PPEF2: variants seen among roughly 807,000 people sequenced by gnomAD.
The protein encoded by PPEF2 is serine/threonine-protein phosphatase with EF-hands 2.
In PPEF2, 84 loss-of-function variants were observed where a neutral mutation model predicts 84.7. The ratio of observed to expected loss-of-function variants is 0.99; its 90% CI spans 0.83 to 1.19. The LOEUF (loss-of-function observed/expected upper bound fraction) is 1.19. Among genes scored for constraint, PPEF2 ranks in the 50% most tolerant of loss-of-function variants. The pLI is 0.00. For synonymous variants in PPEF2, 346 were observed against 345.2 expected (o/e 1.00, Z -0.03); for missense variants, 924 against 937.5 (o/e 0.99, Z 0.19).
chr4:75,873,532 C>T (rs952574924), intron 11 of PPEF2, among the ~76,000 whole-genome samples: 3 of 152,298 alleles, frequency 2.0e-5, no homozygotes, highest in Non-Finnish European at 4.4e-5. Flanking sequence ...ACATATTTGT[C>T]GACAAGCATA....
chr4:75,891,561 G>T, intron 4 of PPEF2, 87 bp downstream of exon 4: 2 of 1,411,318 alleles, frequency 1.4e-6, no homozygotes, highest in Non-Finnish European at 1.9e-6. Flanking sequence ...CCAGATTCAC[G>T]GTTTCACTCC....
At chr4:75,872,282 G>A (rs552279420) in intron 12 of PPEF2, 115 bp from the exon 13 acceptor site, 5 of 995,154 alleles carry the variant, frequency 5.0e-6, no homozygotes, top group Non-Finnish European at 7.0e-6. Context: ...GTGCTCATCT[G>A]GGAATCCTTT....
intron 10 of PPEF2, among the ~76,000 whole-genome samples, chr4:75,879,447 T>C (rs768657355): frequency 6.6e-6 from 1 of 152,232 alleles, no homozygotes; most frequent in South Asian, 2.1e-4. Flanking sequence ...GCTCATTTAC[T>C]ATTTATAATA....
At chr4:75,882,162 C>T (rs1724592201) in intron 10 of PPEF2, among the ~76,000 whole-genome samples, 1 of 152,148 alleles carries the variant, frequency 6.6e-6, no homozygotes, top group African/African-American at 2.4e-5. Context: ...TTTTGTGTTC[C>T]TTTAGGGCAG....
chr4:75,901,770 A>G (rs1725129648), intron 1 of PPEF2, among the ~76,000 whole-genome samples: 1 of 152,142 alleles, frequency 6.6e-6, no homozygotes, highest in South Asian at 2.1e-4. Flanking sequence ...CTAGAATTTG[A>G]CTTAGCATCA....
At chr4:75,895,523 A>G (rs903408437) in intron 2 of PPEF2, among the ~76,000 whole-genome samples, 7 of 151,778 alleles carry the variant, frequency 4.6e-5, no homozygotes, top group African/African-American at 1.7e-4. Context: ...ACCTGAAGTG[A>G]GAGTTCAAGA....
Position 75,884,595 on chromosome 4 carries a change from G to C in PPEF2, c.745C>G (p.Arg249Gly). ...GNHEDHMVNLRYGFTKEVMNK... is the reference protein window; with the variant it reads ...GNHEDHMVNLGYGFTKEVMNK... ...ACTCAAGCATGTTTTGACTTGTACC[G>C]TAAGTTCACCATATGGTCCTCATGG... is the stretch of plus-strand genomic sequence containing the variant. The change falls in exon 8 of 17, where the codon CGA becomes GGA. Residue 249 changes from arginine (R) to glycine (G), a missense_variant and splice_region_variant. Coordinates refer to ENST00000286719, the MANE Select transcript of PPEF2 (RefSeq NM_006239.3). The C allele has an allele frequency of 1.3e-6, 2 of 1,591,750 alleles. No homozygotes were observed. The highest frequency in any genetic ancestry group is 1.2e-5 in the South Asian group (1 of 86,584).
rs201567936 is a variant in PPEF2 at position 75,860,748 on chromosome 4, G to A, written c.2181C>T (p.Ser727=). Residue 727 remains serine, a synonymous_variant, in exon 17 of 17, where the codon TCC becomes TCT. Coordinates refer to ENST00000286719, the MANE Select transcript of PPEF2 (RefSeq NM_006239.3). ...ATTCTGAGGCATCGCCCTCTGGGCA[G>A]GATTTCTCCACAAGGCGGAAGGCCT... ...FLEAFRLVEK[S]CPEGDASECP... 6.2e-6 allele frequency: 10 copies of A among 1,614,248 alleles called. No individual in the cohort carries two copies. The highest frequency in any genetic ancestry group is 8.5e-6 in the Non-Finnish European group (10 of 1,180,038).
intron 10 of PPEF2, among the ~76,000 whole-genome samples, chr4:75,878,934 A>G (rs1286159574): frequency 2.0e-5 from 3 of 152,202 alleles, no homozygotes; most frequent in Admixed American, 2.0e-4. Flanking sequence ...ATCTCTGCAA[A>G]TAAGCAGACC....
chr4:75,861,012 T>G, intron 16 of PPEF2, 92 bp from the exon 17 acceptor site: 2 of 1,409,108 alleles, frequency 1.4e-6, no homozygotes, highest in Non-Finnish European at 2.0e-6. Context: ...TGCTCCCTAC[T>G]GCTCAACAGA....
chr4:75,895,688 T>C (rs1489476577), intron 2 of PPEF2, among the ~76,000 whole-genome samples: 1 of 151,560 alleles, frequency 6.6e-6, no homozygotes, highest in Non-Finnish European at 1.5e-5. Context: ...GTAGAGATCG[T>C]GCCACTGCAC....
intron 6 of PPEF2, 42 bp downstream of exon 6, chr4:75,888,172 C>T: frequency 1.4e-6 from 2 of 1,450,292 alleles, no homozygotes; most frequent in Non-Finnish European, 1.9e-6. Flanking sequence ...GAGCATTCTT[C>T]TTTGTGTGCA....
chr4:75,861,439 G>A (rs1723996749), intron 16 of PPEF2, among the ~76,000 whole-genome samples: 1 of 112,848 alleles, frequency 8.9e-6, no homozygotes, highest in Non-Finnish European at 2.0e-5. Context: ...TTTCAACAAT[G>A]ATGGGGGACA....
At position 75,897,822 on chromosome 4, in the gene PPEF2, C is replaced by T. The variant is rs79066586; in HGVS notation, c.-58-1439G>A. Among the ~76,000 whole-genome samples the T allele has an allele frequency of 1.7e-4, 26 of 152,218 alleles. 1 individual carries two copies. The highest frequency in any genetic ancestry group is 1.3e-3 in the East Asian group (7 of 5,188). On this transcript the variant is annotated intron_variant, in intron 1 of 16. Coordinates refer to ENST00000286719, the MANE Select transcript of PPEF2 (RefSeq NM_006239.3). ...AATCTTCCCCAAAAGCCTCGTCTGC[C>T]GAGACCAGCTCAGTCAGGGAGACCC...
Position 75,876,315 on chromosome 4 carries a change from C to T in PPEF2, c.1292G>A (p.Arg431Gln), listed in dbSNP as rs747276411. Residue 431 changes from arginine to glutamine, a missense_variant, in exon 11 of 17, where the codon CGG (arginine) becomes CAG (glutamine). Arg to Gln is a conservative substitution (Grantham distance 43). Coordinates refer to ENST00000286719, the MANE Select transcript of PPEF2 (RefSeq NM_006239.3). ...CCTCCACTCCTCCTGAGTGGGCTTC[C>T]GCAGCTCTCCGGCTTCAGAGTCTGC... Reference protein sequence around the residue: ...SEADSEAGELRKPTQEEWRQV... With the variant: ...SEADSEAGELQKPTQEEWRQV... 9.9e-6 allele frequency: 16 copies of T among 1,610,668 alleles called. No homozygotes were observed. The highest frequency in any genetic ancestry group is 2.2e-5 in the East Asian group (1 of 44,862).
At position 75,860,604 on chromosome 4, in the gene PPEF2, T is replaced by C. The variant is rs1054944117; in HGVS notation, c.*63A>G. ...AGTTTCACATGGAGAATAAGGGAGA[T>C]AGTCTAGTGAGAAGCTGAGCATTGC... On this transcript the variant is annotated 3_prime_UTR_variant, in exon 17 of 17. Coordinates refer to ENST00000286719, the MANE Select transcript of PPEF2 (RefSeq NM_006239.3). 3 of 1,581,654 alleles carry C rather than the reference T, an allele frequency of 1.9e-6. No homozygotes were observed. Among genetic ancestry groups the C allele is most frequent in the East Asian group, 2.2e-5 (1 of 44,470 alleles).
chr4:75,897,795 C>T (rs1725041199), intron 1 of PPEF2, among the ~76,000 whole-genome samples: 1 of 152,044 alleles, frequency 6.6e-6, no homozygotes, highest in Non-Finnish European at 1.5e-5. Flanking sequence ...ACAACAACAA[C>T]AAATCTTCCC....
chr4:75,873,350 A>T, intron 11 of PPEF2, 38 bp from the exon 12 acceptor site: 1 of 1,537,966 alleles, frequency 6.5e-7, no homozygotes, highest in Admixed American at 1.9e-5. Context: ...CCCAAAAACT[A>T]GATACATATT....
intron 14 of PPEF2, 96 bp downstream of exon 14, chr4:75,867,217 A>G: frequency 1.1e-6 from 1 of 903,020 alleles, no homozygotes; most frequent in Non-Finnish European, 1.7e-6. Context: ...TGGGTCACTC[A>G]TTAAAGCAAC....
Sources: gnomAD v4.1 joint callset for allele counts (sites outside exome capture counted in the v4.1 genomes callset) on GRCh38, gnomAD v4.1.1 for gene constraint, MANE v1.5 for transcripts, NCBI Gene and HGNC (gene_info 2026-07-23, HGNC 2026-07-21) for gene names.